ADCY2: variants seen among roughly 807,000 people sequenced by gnomAD.
ADCY2 encodes adenylate cyclase 2, also known as adenylate cyclase type 2.
Under a neutral mutation model 125.2 loss-of-function variants are expected in ADCY2, and 31 were observed. The ratio of observed to expected loss-of-function variants is 0.25; its 90% CI spans 0.19 to 0.33. The LOEUF (loss-of-function observed/expected upper bound fraction) is 0.33, where lower values mean the gene tolerates loss of function less well. Ranked by LOEUF, ADCY2 falls within the 10% of genes least tolerant of loss-of-function variation. ADCY2 has a pLI of 1.00. For missense variants in ADCY2, 904 were observed against 1,418.2 expected (o/e 0.64, Z 5.82); for synonymous variants, 512 against 548.4 (o/e 0.93, Z 0.93).
intron 2 of ADCY2, among the ~76,000 whole-genome samples, chr5:7,464,544 G>A (rs188535190): frequency 6.6e-6 from 1 of 152,248 alleles, no homozygotes; most frequent in African/African-American, 2.4e-5. Flanking sequence ...CACCTAGATT[G>A]GGGGTAGCTT....
chr5:7,822,725 CA>C (rs2126542899), intron 24 of ADCY2, among the ~76,000 whole-genome samples: 1 of 103,148 alleles, frequency 9.7e-6, no homozygotes. Flanking sequence ...TGTGTACATG[CA>C]TGTGTGTGTG....
At chr5:7,522,782 C>T (rs1226980791) in intron 3 of ADCY2, among the ~76,000 whole-genome samples, 2 of 135,962 alleles carry the variant, frequency 1.5e-5, no homozygotes, top group Admixed American at 7.3e-5. Flanking sequence ...AAAAATTAGC[C>T]GGGCGTGGTG....
rs141904166 is a variant in ADCY2 at position 7,752,931 on chromosome 5, C to T, written c.1957-4518C>T. 3.2e-3 allele frequency among the ~76,000 whole-genome samples: 416 copies of T among 131,770 alleles called. 1 individual carries two copies. The highest frequency in any genetic ancestry group is 0.011 in the African/African-American group (387 of 34,962). 86.4% of individuals were successfully genotyped at this position (131,770 alleles called of 152,430 possible). A position where few individuals can be genotyped will look rare whatever the true frequency, so the allele number is the denominator to read the frequency against. ...TTTTTTTTTCTGAGACACAGTCTTG[C>T]TCTGTCACTCAGGCTGGAGTACAGT... On this transcript the variant is annotated intron_variant, in intron 15 of 24. Transcript: ENST00000338316.
chr5:7,548,362 T>A (rs933381578), intron 3 of ADCY2, among the ~76,000 whole-genome samples: 1 of 152,048 alleles, frequency 6.6e-6, no homozygotes, highest in Non-Finnish European at 1.5e-5. Flanking sequence ...AAATTGTGTG[T>A]ATATATAGGA....
At chr5:7,427,535 C>A (rs1740430209) in intron 2 of ADCY2, among the ~76,000 whole-genome samples, 1 of 152,110 alleles carries the variant, frequency 6.6e-6, no homozygotes, top group Non-Finnish European at 1.5e-5. Context: ...TCCCATGATC[C>A]ACTCACTTCC....
chr5:7,449,293 T>C (rs1381602529), intron 2 of ADCY2, among the ~76,000 whole-genome samples: 2 of 152,166 alleles, frequency 1.3e-5, no homozygotes, highest in Non-Finnish European at 2.9e-5. Context: ...GAAAAACCAA[T>C]TTTTCTTTTA....
At chr5:7,809,570 A>G (rs999808489) in intron 22 of ADCY2, among the ~76,000 whole-genome samples, 13 of 152,254 alleles carry the variant, frequency 8.5e-5, no homozygotes, top group Non-Finnish European at 1.9e-4. Context: ...GTTACAAAAT[A>G]TATAGGGTAA....
intron 2 of ADCY2, among the ~76,000 whole-genome samples, chr5:7,467,431 C>A (rs927124968): frequency 1.3e-5 from 2 of 152,146 alleles, no homozygotes; most frequent in Non-Finnish European, 2.9e-5. Context: ...CAGCATTGAC[C>A]GCCGTGGAGA....
chr5:7,652,082 G>C (rs180798504), intron 4 of ADCY2, among the ~76,000 whole-genome samples: 7 of 152,150 alleles, frequency 4.6e-5, no homozygotes, highest in Non-Finnish European at 1.0e-4. Flanking sequence ...GATTACAGGC[G>C]TGAGCCCCCG....
rs1744100434 is a variant in ADCY2 at position 7,786,889 on chromosome 5, C to T, written c.2469+2440C>T. Among the ~76,000 whole-genome samples the T allele has an allele frequency of 2.0e-5, 3 of 152,134 alleles. No individual in the cohort carries two copies. In the South Asian group the frequency reaches 6.2e-4, roughly 32 times the overall value. On this transcript the variant is annotated intron_variant, in intron 19 of 24. Transcript: ENST00000338316. ...CTGTCTACGTAGAAAGATGTGAAGC[C>T]CTCCAGTTCCTCAGGTTGTTTTCAG...
intron 5 of ADCY2, among the ~76,000 whole-genome samples, chr5:7,693,125 A>G (rs918215134): frequency 1.3e-5 from 2 of 152,082 alleles, no homozygotes; most frequent in Non-Finnish European, 2.9e-5. Context: ...CACAACATCA[A>G]ATTAGTGACA....
intron 5 of ADCY2, among the ~76,000 whole-genome samples, chr5:7,693,407 T>TTTTTTTTTTTTTTTTTTC (rs148369870): frequency 2.6e-5 from 1 of 38,338 alleles, no homozygotes; most frequent in Non-Finnish European, 4.8e-5. Flanking sequence ...TTGCCTGCTG[T>TTTTTTTTTTTTTTTTTTC]TTTTTGTTTT....
intron 4 of ADCY2, among the ~76,000 whole-genome samples, chr5:7,660,400 G>A (rs1739487313): frequency 6.6e-6 from 1 of 152,176 alleles, no homozygotes. Flanking sequence ...TGTTGACTCT[G>A]ATTTTGCTCC....
chr5:7,641,860 C>CT (rs1226208133), intron 4 of ADCY2, among the ~76,000 whole-genome samples: 1 of 152,062 alleles, frequency 6.6e-6, no homozygotes, highest in Non-Finnish European at 1.5e-5. Flanking sequence ...TGATTTTATT[C>CT]TTTTTTATGG....
chr5:7,651,650 T>C (rs781757697), intron 4 of ADCY2, among the ~76,000 whole-genome samples: 1 of 151,968 alleles, frequency 6.6e-6, no homozygotes, highest in Non-Finnish European at 1.5e-5. Flanking sequence ...GCCCACTGAC[T>C]CAAATGTTAA....
At chr5:7,544,943 G>C (rs903432109) in intron 3 of ADCY2, among the ~76,000 whole-genome samples, 18 of 152,174 alleles carry the variant, frequency 1.2e-4, no homozygotes, top group African/African-American at 4.3e-4. Flanking sequence ...TATGCACTGG[G>C]GCCAGGCCTG....
chr5:7,554,568 C>T (rs1357945211), intron 3 of ADCY2, among the ~76,000 whole-genome samples: 1 of 152,148 alleles, frequency 6.6e-6, no homozygotes, highest in East Asian at 1.9e-4. Context: ...TTTGTAAGCT[C>T]ATGAGACTGC....
intron 2 of ADCY2, among the ~76,000 whole-genome samples, chr5:7,434,291 A>C (rs1351734295): frequency 1.3e-5 from 2 of 152,246 alleles, no homozygotes; most frequent in African/African-American, 4.8e-5. Flanking sequence ...TGGGAACTAG[A>C]TAAATCAATT....
At chr5:7,510,792 T>G (rs533772453) in intron 2 of ADCY2, among the ~76,000 whole-genome samples, 1 of 152,318 alleles carries the variant, frequency 6.6e-6, no homozygotes, top group Admixed American at 6.5e-5. Flanking sequence ...TAATTTTCAT[T>G]ACTTGTTCTA....
Sources: allele counts gnomAD v4.1 joint callset (sites outside exome capture counted in the v4.1 genomes callset), GRCh38; gene constraint gnomAD v4.1.1; transcripts MANE v1.5; gene names NCBI Gene and HGNC (gene_info 2026-07-23, HGNC 2026-07-21).